PPM1A: variants seen among roughly 807,000 people sequenced by gnomAD.
The protein encoded by PPM1A is protein phosphatase, Mg2+/Mn2+ dependent 1A, also known as protein phosphatase 1A.
Under a neutral mutation model 35.0 loss-of-function variants are expected in PPM1A, and 7 were observed. That is an observed-to-expected ratio of 0.20 (90% CI 0.11 to 0.38). The LOEUF is 0.38. Ranked by LOEUF, PPM1A falls within the 10% of genes least tolerant of loss-of-function variation. The pLI is 1.00. For synonymous variants in PPM1A, 153 were observed against 167.3 expected, an observed-to-expected ratio of 0.91 and a Z score of 0.66; for missense variants, 239 against 467.8, an observed-to-expected ratio of 0.51 and a Z score of 4.51.
At chr14:60,248,977 G>A (rs979098826), upstream of PPM1A, among the ~76,000 whole-genome samples, 2 of 152,254 alleles carry the variant, frequency 1.3e-5, no homozygotes, top group South Asian at 4.1e-4. Flanking sequence ...GCTCCAGGCC[G>A]TAAGGCAAAG....
At chr14:60,259,286 A>C (rs1448427075) in intron 1 of PPM1A, among the ~76,000 whole-genome samples, 6 of 152,096 alleles carry the variant, frequency 3.9e-5, no homozygotes, top group Admixed American at 3.9e-4. Context: ...AATATTTAGA[A>C]TCCCCATGTA....
At chr14:60,252,478 A>G (rs1882545853) in intron 1 of PPM1A, among the ~76,000 whole-genome samples, 1 of 152,198 alleles carries the variant, frequency 6.6e-6, no homozygotes, top group Non-Finnish European at 1.5e-5. Flanking sequence ...ATAAGAGTTA[A>G]GCAAGAAGAT....
At chr14:60,272,356 C>T (rs1051188884) in intron 1 of PPM1A, among the ~76,000 whole-genome samples, 13 of 146,742 alleles carry the variant, frequency 8.9e-5, no homozygotes, top group African/African-American at 3.0e-4. Context: ...TACTTTGTAT[C>T]CAGGAATGTG....
At chr14:60,291,071 G>T (rs956927836) in intron 4 of PPM1A, among the ~76,000 whole-genome samples, 9 of 152,056 alleles carry the variant, frequency 5.9e-5, no homozygotes, top group Non-Finnish European at 1.3e-4. Context: ...CTTAAGAATG[G>T]CATTGCCATT....
chr14:60,249,130 C>A, upstream of PPM1A: 2 of 712,936 alleles, frequency 2.8e-6, no homozygotes, highest in Non-Finnish European at 3.4e-6. This position sits in a 1 kb window ranked among gnomAD's most constrained non-coding sequence, Gnocchi z 4.5. Flanking sequence ...CGCGCCGCAG[C>A]TGTAGCGGCG....
intron 1 of PPM1A, chr14:60,256,988 C>T (rs540315661): frequency 3.3e-5 from 5 of 152,226 alleles, no homozygotes; most frequent in East Asian, 3.9e-4. Context: ...GCAGTGTATA[C>T]TAAGTTTGAA....
chr14:60,288,122 G>C, intron 3 of PPM1A: 1 of 984,618 alleles, frequency 1.0e-6, no homozygotes, highest in Non-Finnish European at 1.2e-6. Flanking sequence ...GAATGGTCAG[G>C]TAGTTTAAAT....
At chr14:60,265,929 T>A (rs760274946) in intron 1 of PPM1A, among the ~76,000 whole-genome samples, 4 of 152,228 alleles carry the variant, frequency 2.6e-5, no homozygotes, top group Non-Finnish European at 4.4e-5. Flanking sequence ...AATTTCAACA[T>A]GAGTTTTGGA....
At chr14:60,253,085 T>C (rs1031070139) in intron 1 of PPM1A, among the ~76,000 whole-genome samples, 1 of 152,204 alleles carries the variant, frequency 6.6e-6, no homozygotes, top group African/African-American at 2.4e-5. Flanking sequence ...ACAGTTTTTA[T>C]AATATTAGAG....
At chr14:60,250,061 C>T (rs1363182071) in intron 1 of PPM1A, among the ~76,000 whole-genome samples, 3 of 151,372 alleles carry the variant, frequency 2.0e-5, no homozygotes, top group Non-Finnish European at 4.4e-5. Context: ...CGTCCCCGCG[C>T]CCCCACCCGC....
rs1029187831 is a variant in PPM1A at position 60,296,113 on chromosome 14, G to A, written c.*3631G>A. On this transcript the variant is annotated 3_prime_UTR_variant, in exon 6 of 6. Coordinates refer to ENST00000395076, the MANE Select transcript of PPM1A (RefSeq NM_021003.5). This position sits in a 1 kb window ranked among gnomAD's most constrained non-coding sequence, Gnocchi z 4.4. ...GTTTGAGTTTAAGGCATTTAAAAAT[G>A]TAAATATCTCTAGCTAAATTTATCT... 2 of 151,538 alleles carry A rather than the reference G, an allele frequency of 1.3e-5. No homozygotes were observed. The highest frequency in any genetic ancestry group is 4.8e-5 in the African/African-American group (2 of 41,374). 9.4% of individuals were successfully genotyped at this position (151,538 alleles called of 1,614,324 possible).
intron 1 of PPM1A, among the ~76,000 whole-genome samples, chr14:60,276,153 G>T (rs1998866): frequency 6.6e-6 from 1 of 152,174 alleles, no homozygotes; most frequent in African/African-American, 2.4e-5. Context: ...GACAAAGCCC[G>T]TACATATGTA....
upstream of PPM1A, chr14:60,246,170 G>T (rs894641758): frequency 1.1e-6 from 1 of 934,312 alleles, no homozygotes; most frequent in Non-Finnish European, 1.6e-6. Flanking sequence ...TCCTGAGGGG[G>T]TCATTTACAT....
chr14:60,282,778 G>A lies in PPM1A; in HGVS notation c.75G>A (p.Gly25=). 1 of 1,614,244 alleles carries A rather than the reference G, an allele frequency of 6.2e-7. No individual in the cohort carries two copies. Among genetic ancestry groups the A allele is most frequent in the East Asian group, 2.2e-5 (1 of 44,884 alleles). The change falls in exon 2 of 6, where the codon GGG becomes GGA. Residue 25 remains glycine, a synonymous_variant. Coordinates refer to ENST00000395076, the MANE Select transcript of PPM1A (RefSeq NM_021003.5). The surrounding 1 kb of genome is among the most constrained non-coding windows in gnomAD (Gnocchi z 5.1). ...AQGQGNGLRY[G]LSSMQGWRVE... is the part of the protein sequence containing the mutation. Reference sequence around the variant, plus strand: ...GGCAGGGTAATGGGTTGCGATATGGGCTAAGCAGCATGCAAGGCTGGCGTG... The same window carrying A: ...GGCAGGGTAATGGGTTGCGATATGGACTAAGCAGCATGCAAGGCTGGCGTG...
chr14:60,286,212 C>A, intron 3 of PPM1A: 1 of 985,980 alleles, frequency 1.0e-6, no homozygotes, highest in Non-Finnish European at 1.2e-6. Flanking sequence ...ACTTTATATA[C>A]ACAGCTTTAA....
At position 60,273,361 on chromosome 14, in the gene PPM1A, G is replaced by C. The variant is rs1008419511; in HGVS notation, c.-20-9323G>C. ...GAAAGTAGCATTTGTTTATATATTT[G>C]GAGGAAGGAAGTATGATGAGTACTA... is the stretch of plus-strand genomic sequence containing the variant. On this transcript the variant is annotated intron_variant, in intron 1 of 5. Coordinates refer to ENST00000395076, the MANE Select transcript of PPM1A (RefSeq NM_021003.5). This position sits in a 1 kb window ranked among gnomAD's most constrained non-coding sequence, Gnocchi z 4.3. Among the ~76,000 whole-genome samples, 5 of 151,938 alleles carry C rather than the reference G, an allele frequency of 3.3e-5. No homozygotes were observed. Among genetic ancestry groups the C allele is most frequent in the Non-Finnish European group, 7.4e-5 (5 of 68,022 alleles).
chr14:60,264,649 C>T (rs1310010000), intron 1 of PPM1A, among the ~76,000 whole-genome samples: 1 of 152,026 alleles, frequency 6.6e-6, no homozygotes, highest in Non-Finnish European at 1.5e-5. Context: ...TAGAAAATTC[C>T]TTAGCCTTCA....
At chr14:60,276,969 T>C in intron 1 of PPM1A, 1 of 919,452 alleles carries the variant, frequency 1.1e-6, no homozygotes, top group Non-Finnish European at 1.4e-6. Context: ...TTTCTGATTA[T>C]ATCAAATATT....
chr14:60,294,133 T>C lies in PPM1A; in HGVS notation c.*1651T>C, dbSNP rs1168353790. On this transcript the variant is annotated 3_prime_UTR_variant, in exon 6 of 6. Coordinates refer to ENST00000395076, the MANE Select transcript of PPM1A (RefSeq NM_021003.5). The stretch of plus-strand genomic sequence containing the variant: ...TTGTTTTTTCCCTAACTTGGAAATA[T>C]ACATATTTGTATATATAGCCTTAAA... 1 of 151,964 alleles carries C rather than the reference T, an allele frequency of 6.6e-6. No individual in the cohort carries two copies. Among genetic ancestry groups the C allele is most frequent in the Non-Finnish European group, 1.5e-5 (1 of 67,876 alleles). The allele number at this position is 151,964 out of a possible 1,614,324, so 9.4% of individuals were successfully genotyped here.
Sources: allele counts gnomAD v4.1 joint callset (sites outside exome capture counted in the v4.1 genomes callset), GRCh38; gene constraint gnomAD v4.1.1; non-coding constraint Gnocchi (gnomAD v3.1); transcripts MANE v1.5; gene names NCBI Gene and HGNC (gene_info 2026-07-23, HGNC 2026-07-21).